NUBPL: variants seen among roughly 807,000 people sequenced by gnomAD.
The protein encoded by NUBPL is NUBP iron-sulfur cluster assembly factor, mitochondrial.
Under a neutral mutation model 45.7 loss-of-function variants are expected in NUBPL, and 31 were observed. That is an observed-to-expected ratio of 0.68 (90% CI 0.51 to 0.92). The LOEUF is 0.92. NUBPL is among the 40% of genes least tolerant of loss of function. The pLI is 0.00. For synonymous variants in NUBPL, 144 were observed against 140.9 expected (o/e 1.02, Z -0.15); for missense variants, 401 against 398.7 (o/e 1.01, Z -0.05).
intron 6 of NUBPL, among the ~76,000 whole-genome samples, chr14:31,761,359 G>A (rs1595595489): frequency 6.6e-6 from 1 of 152,076 alleles, no homozygotes; most frequent in Non-Finnish European, 1.5e-5. Context: ...AATTTTTTGT[G>A]TAGATGAGGT....
intron 9 of NUBPL, 178 bp from the exon 10 acceptor site, chr14:31,849,941 A>C (rs986441081): frequency 1.6e-6 from 1 of 635,740 alleles, no homozygotes; most frequent in Non-Finnish European, 2.8e-6. Context: ...TCTAAAATAG[A>C]GTATCTTGTT....
intron 7 of NUBPL, 29 bp from the exon 8 acceptor site, chr14:31,826,600 A>G: frequency 1.3e-6 from 2 of 1,591,656 alleles, no homozygotes; most frequent in Non-Finnish European, 1.7e-6. Flanking sequence ...GAATTAAAAG[A>G]TAATAGTATT....
intron 6 of NUBPL, among the ~76,000 whole-genome samples, chr14:31,712,281 C>T (rs1184230584): frequency 6.6e-6 from 1 of 152,250 alleles, no homozygotes. Context: ...GAAAAGTTCT[C>T]CAGGTCACCA....
chr14:31,667,252 T>C (rs1295367677), intron 4 of NUBPL, among the ~76,000 whole-genome samples: 1 of 152,084 alleles, frequency 6.6e-6, no homozygotes, highest in Admixed American at 6.5e-5. Flanking sequence ...CCTTTCCTTA[T>C]CATTCTTTTT....
intron 4 of NUBPL, among the ~76,000 whole-genome samples, chr14:31,659,264 T>C (rs2036213567): frequency 6.6e-6 from 1 of 152,250 alleles, no homozygotes; most frequent in Admixed American, 6.5e-5. Context: ...TGGTTCTTTC[T>C]GTCATCTTTA....
intron 8 of NUBPL, among the ~76,000 whole-genome samples, chr14:31,834,093 A>G (rs1428086174): frequency 2.0e-5 from 3 of 152,148 alleles, no homozygotes; most frequent in East Asian, 1.9e-4. Flanking sequence ...TATTTTATAA[A>G]GGAGAGATAG....
intron 3 of NUBPL, among the ~76,000 whole-genome samples, chr14:31,585,944 T>A (rs2033985634): frequency 6.6e-6 from 1 of 152,204 alleles, no homozygotes; most frequent in South Asian, 2.1e-4. Flanking sequence ...CTTAACATTA[T>A]CTTTATGATT....
chr14:31,605,715 C>CTTCTTCT (rs1426992809), intron 4 of NUBPL, among the ~76,000 whole-genome samples: 1 of 151,808 alleles, frequency 6.6e-6, no homozygotes, highest in African/African-American at 2.4e-5. Context: ...TTTCTTCTTT[C>CTTCTTCT]TTCTTCTTTC....
intron 3 of NUBPL, among the ~76,000 whole-genome samples, chr14:31,597,097 C>T (rs899886128): frequency 2.0e-5 from 3 of 152,164 alleles, no homozygotes; most frequent in African/African-American, 7.2e-5. Flanking sequence ...TCCTCTCTCT[C>T]TTTCCTCTCT....
chr14:31,816,657 G>A (rs547793311), intron 7 of NUBPL, among the ~76,000 whole-genome samples: 3 of 152,048 alleles, frequency 2.0e-5, no homozygotes, highest in African/African-American at 4.8e-5. Flanking sequence ...GCTTTCTCCT[G>A]TGGGCATTTA....
At chr14:31,682,064 C>G (rs1006006727) in intron 6 of NUBPL, among the ~76,000 whole-genome samples, 1 of 152,092 alleles carries the variant, frequency 6.6e-6, no homozygotes, top group African/African-American at 2.4e-5. Context: ...ACAGAGTTCA[C>G]ATTTTTTTGT....
intron 3 of NUBPL, among the ~76,000 whole-genome samples, chr14:31,585,544 T>G (rs1345389439): frequency 6.6e-6 from 1 of 152,238 alleles, no homozygotes; most frequent in Non-Finnish European, 1.5e-5. Flanking sequence ...TATGTTTCAG[T>G]TCTCTTAGAT....
chr14:31,700,731 G>A (rs1043984718), intron 6 of NUBPL, among the ~76,000 whole-genome samples: 4 of 152,264 alleles, frequency 2.6e-5, no homozygotes, highest in Middle Eastern at 3.4e-3. Context: ...CAGCACTGCC[G>A]GCCTGCCTGC....
At chr14:31,722,127 G>C (rs2037823308) in intron 6 of NUBPL, among the ~76,000 whole-genome samples, 1 of 152,096 alleles carries the variant, frequency 6.6e-6, no homozygotes, top group African/African-American at 2.4e-5. Flanking sequence ...CTCCCGAGTA[G>C]CTGGGACTAC....
intron 4 of NUBPL, among the ~76,000 whole-genome samples, chr14:31,619,874 T>G (rs2035013008): frequency 6.6e-6 from 1 of 151,994 alleles, no homozygotes; most frequent in Non-Finnish European, 1.5e-5. Context: ...CACTGAAGAG[T>G]GTTTTCCAAC....
intron 4 of NUBPL, chr14:31,662,152 T>C (rs1367918637): frequency 6.6e-6 from 1 of 152,038 alleles, no homozygotes; most frequent in Non-Finnish European, 1.5e-5. Flanking sequence ...ACCTGTTAAA[T>C]TTTAAAGAAA....
intron 8 of NUBPL, among the ~76,000 whole-genome samples, chr14:31,830,728 A>C (rs1019243934): frequency 6.6e-6 from 1 of 152,224 alleles, no homozygotes; most frequent in Non-Finnish European, 1.5e-5. Flanking sequence ...AAACATTCTT[A>C]AATGCATAGT....
rs114922967 is a variant in NUBPL, at chr14:31,692,191, A to T, written c.513+18617A>T. Among the ~76,000 whole-genome samples, 805 of 152,320 alleles carry T rather than the reference A, an allele frequency of 5.3e-3. 11 individuals carry two copies. The highest frequency in any genetic ancestry group is 0.018 in the African/African-American group (748 of 41,572). The stretch of plus-strand genomic sequence containing the variant: ...ATTTTCTATTTTGACTTTAATAATT[A>T]TAGGTGTAAACATCTAATACATTTC... On this transcript the variant is annotated intron_variant, in intron 6 of 10. Transcript: ENST00000281081.
intron 7 of NUBPL, among the ~76,000 whole-genome samples, chr14:31,792,520 C>A (rs1250584974): frequency 1.3e-5 from 2 of 152,000 alleles, no homozygotes; most frequent in Non-Finnish European, 2.9e-5. Context: ...TTTTCAGACA[C>A]CCTGGCTGTC....
Sources: allele counts gnomAD v4.1 joint callset (sites outside exome capture counted in the v4.1 genomes callset), GRCh38; gene constraint gnomAD v4.1.1; transcripts MANE v1.5; gene names NCBI Gene and HGNC (gene_info 2026-07-23, HGNC 2026-07-21).